Variants in PLAG1 observed in about 807,000 individuals in gnomAD.
PLAG1 encodes PLAG1 zinc finger.
Under a neutral mutation model 35.5 loss-of-function variants are expected in PLAG1, and 7 were observed. The ratio of observed to expected loss-of-function variants is 0.20; its 90% CI spans 0.11 to 0.37. PLAG1 has a LOEUF of 0.37. Ranked by LOEUF, PLAG1 falls within the 10% of genes least tolerant of loss-of-function variation. The probability of loss-of-function intolerance (pLI) is 1.00; values close to 1 mark genes in which losing one functional copy is unlikely to be tolerated. For missense variants in PLAG1, 454 were observed against 602.8 expected (o/e 0.75, Z 2.58); for synonymous variants, 229 against 225.4 (o/e 1.02, Z -0.14).
At chr8:56,195,225 A>AT (rs1264818330) in intron 1 of PLAG1, among the ~76,000 whole-genome samples, 2 of 152,108 alleles carry the variant, frequency 1.3e-5, no homozygotes, top group Non-Finnish European at 2.9e-5. Flanking sequence ...TTTGCTGAGA[A>AT]TTTTTTTCAT....
chr8:56,207,724 T>C (rs1033661320), intron 1 of PLAG1, among the ~76,000 whole-genome samples: 2 of 152,102 alleles, frequency 1.3e-5, no homozygotes, highest in Non-Finnish European at 2.9e-5. Context: ...TTCTGTATAC[T>C]GGTATAATTT....
intron 3 of PLAG1, among the ~76,000 whole-genome samples, chr8:56,168,786 C>G (rs1330476919): frequency 1.3e-5 from 2 of 152,280 alleles, no homozygotes; most frequent in East Asian, 3.9e-4. Context: ...CTCTAAAAAT[C>G]AGTTTGATTT....
chr8:56,168,954 G>A (rs1811436738), intron 3 of PLAG1, among the ~76,000 whole-genome samples: 1 of 152,188 alleles, frequency 6.6e-6, no homozygotes. Flanking sequence ...CCGAAGTGAT[G>A]CATTATACCA....
chr8:56,193,614 C>A (rs971968534), intron 1 of PLAG1, among the ~76,000 whole-genome samples: 6 of 151,866 alleles, frequency 4.0e-5, no homozygotes, highest in Non-Finnish European at 7.4e-5. Context: ...TGAGGCTAAA[C>A]GGTTATTTCT....
intron 1 of PLAG1, among the ~76,000 whole-genome samples, chr8:56,181,879 T>G (rs916846319): frequency 6.6e-6 from 1 of 152,134 alleles, no homozygotes; most frequent in Non-Finnish European, 1.5e-5. Flanking sequence ...AAGAGTACTA[T>G]GGATATTTGG....
At chr8:56,190,995 C>T (rs555446129) in intron 1 of PLAG1, among the ~76,000 whole-genome samples, 4 of 152,150 alleles carry the variant, frequency 2.6e-5, no homozygotes, top group African/African-American at 7.2e-5. Flanking sequence ...GCTGGAGGAA[C>T]GTGGGAGCCC....
At chr8:56,194,131 T>C (rs529874196) in intron 1 of PLAG1, among the ~76,000 whole-genome samples, 7 of 152,084 alleles carry the variant, frequency 4.6e-5, no homozygotes, top group Admixed American at 1.3e-4. Context: ...CTGGCCAACA[T>C]AGCGAAACCC....
Position 56,161,190 on chromosome 8 carries a change from C to T in PLAG1, c.*5053G>A, listed in dbSNP as rs1045094923. On this transcript the variant is annotated 3_prime_UTR_variant, in exon 5 of 5. Transcript: ENST00000316981. ...TTGTCTATATTTTATACAAATACAA[C>T]AGTAGTTTGTGAATACATTTTAAGT... The T allele has an allele frequency of 5.1e-6, 1 of 194,872 alleles. No individual in the cohort carries two copies. Among genetic ancestry groups the T allele is most frequent in the Non-Finnish European group, 1.1e-5 (1 of 93,380 alleles). 12.1% of individuals were successfully genotyped at this position (194,872 alleles called of 1,614,324 possible). A position where few individuals can be genotyped will look rare whatever the true frequency, so the allele number is the denominator to read the frequency against.
At chr8:56,193,401 C>T (rs1051451028) in intron 1 of PLAG1, among the ~76,000 whole-genome samples, 5 of 152,186 alleles carry the variant, frequency 3.3e-5, no homozygotes, top group Non-Finnish European at 7.3e-5. Context: ...CTACACTTCA[C>T]CCTACACAGT....
chr8:56,162,200 T>C lies in PLAG1; in HGVS notation c.*4043A>G, dbSNP rs903457305. Reference sequence around the variant, plus strand: ...GACAAATTCAACTTAGGCACACATTTACCAGAACTAACAGCCAGCCATTGC... The same window carrying C: ...GACAAATTCAACTTAGGCACACATTCACCAGAACTAACAGCCAGCCATTGC... On this transcript the variant is annotated 3_prime_UTR_variant, in exon 5 of 5. Transcript: ENST00000316981. 3.9e-5 allele frequency: 9 copies of C among 228,478 alleles called. No homozygotes were observed. Among genetic ancestry groups the C allele is most frequent in the African/African-American group, 2.0e-4 (9 of 45,080 alleles). 14.2% of individuals were successfully genotyped at this position (228,478 alleles called of 1,614,324 possible). A position where few individuals can be genotyped will look rare whatever the true frequency, so the allele number is the denominator to read the frequency against.
chr8:56,206,552 G>A (rs1038198820), intron 1 of PLAG1, among the ~76,000 whole-genome samples: 4 of 151,710 alleles, frequency 2.6e-5, no homozygotes, highest in Non-Finnish European at 4.4e-5. Flanking sequence ...GTAGTCTTAC[G>A]GTAAAATAGA....
At chr8:56,169,212 T>C (rs916632574) in intron 3 of PLAG1, among the ~76,000 whole-genome samples, 17 of 152,248 alleles carry the variant, frequency 1.1e-4, no homozygotes, top group African/African-American at 3.6e-4. Flanking sequence ...GCTGAGGGCA[T>C]TGGCCTTTGG....
At chr8:56,179,125 G>A (rs1390964773) in intron 2 of PLAG1, among the ~76,000 whole-genome samples, 3 of 151,758 alleles carry the variant, frequency 2.0e-5, no homozygotes, top group Admixed American at 6.6e-5. Flanking sequence ...ACATCTGTGG[G>A]CTATCTGGGG....
intron 2 of PLAG1, among the ~76,000 whole-genome samples, chr8:56,175,333 ATGG>A (rs1811652636): frequency 6.6e-6 from 1 of 152,196 alleles, no homozygotes; most frequent in African/African-American, 2.4e-5. Context: ...AGTCCTTGGT[ATGG>A]GGCAGGAAGG....
chr8:56,197,502 T>C, intron 1 of PLAG1, among the ~76,000 whole-genome samples: 1 of 152,226 alleles, frequency 6.6e-6, no homozygotes, highest in East Asian at 1.9e-4. Flanking sequence ...GGTGCATCTC[T>C]TTCCCCTCTG....
At chr8:56,201,622 C>T (rs1255947803) in intron 1 of PLAG1, among the ~76,000 whole-genome samples, 3 of 152,032 alleles carry the variant, frequency 2.0e-5, no homozygotes, top group Admixed American at 6.6e-5. Flanking sequence ...TTTATACTAC[C>T]CAAATAACAT....
intron 1 of PLAG1, among the ~76,000 whole-genome samples, chr8:56,184,871 T>G (rs531599502): frequency 6.6e-6 from 1 of 152,184 alleles, no homozygotes; most frequent in African/African-American, 2.4e-5. Context: ...TGCTTGAACC[T>G]GAGAGTCGGA....
chr8:56,193,705 T>TTC (rs1812259066), intron 1 of PLAG1, among the ~76,000 whole-genome samples: 3 of 150,746 alleles, frequency 2.0e-5, no homozygotes, highest in South Asian at 2.1e-4. Flanking sequence ...CTTTTTTTTT[T>TTC]TTTTTTTTTT....
At position 56,165,660 on chromosome 8, in the gene PLAG1, T is replaced by C. The variant is rs1432360486; in HGVS notation, c.*583A>G. ...AAAGGCTCATAATAAAGATGGCAAA[T>C]ATTTTAGCCAGACAACAGGGAGTCT... On this transcript the variant is annotated 3_prime_UTR_variant, in exon 5 of 5. Coordinates refer to ENST00000316981, the MANE Select transcript of PLAG1 (RefSeq NM_002655.3). 1.2e-4 allele frequency: 24 copies of C among 197,936 alleles called. No homozygotes were observed. The East Asian group carries it at 1.7e-3, about 14-fold the overall frequency. The allele number at this position is 197,936 out of a possible 1,614,324, so 12.3% of individuals were successfully genotyped here. A position where few individuals can be genotyped will look rare whatever the true frequency, so the allele number is the denominator to read the frequency against.
Sources: gnomAD v4.1 joint callset for allele counts (sites outside exome capture counted in the v4.1 genomes callset) on GRCh38, gnomAD v4.1.1 for gene constraint, MANE v1.5 for transcripts, NCBI Gene and HGNC (gene_info 2026-07-23, HGNC 2026-07-21) for gene names.